TTLL7: variants seen among roughly 807,000 people sequenced by gnomAD.
TTLL7 encodes the protein tubulin polyglutamylase TTLL7.
Under a neutral mutation model 120.2 loss-of-function variants are expected in TTLL7, and 53 were observed. The ratio of observed to expected loss-of-function variants is 0.44; its 90% CI spans 0.35 to 0.55. The LOEUF is 0.55. Ranked by LOEUF, TTLL7 falls within the 20% of genes least tolerant of loss-of-function variation. The pLI is 0.00. For missense variants in TTLL7, 803 were observed against 1,054.7 expected (o/e 0.76, Z 3.31); for synonymous variants, 353 against 351.7 (o/e 1.00, Z -0.04).
chr1:83,899,485 T>G (rs1017222443), intron 18 of TTLL7, among the ~76,000 whole-genome samples: 1 of 151,984 alleles, frequency 6.6e-6, no homozygotes, highest in African/African-American at 2.4e-5. Flanking sequence ...CTTGCTGTAG[T>G]TAAGACCAGC....
intron 1 of TTLL7, among the ~76,000 whole-genome samples, chr1:83,994,004 A>G (rs936027807): frequency 1.1e-4 from 17 of 152,222 alleles, no homozygotes; most frequent in African/African-American, 3.9e-4. Flanking sequence ...ATAATGCCTG[A>G]GAGAAATGGA....
chr1:83,978,049 A>G (rs1342603906), intron 1 of TTLL7, among the ~76,000 whole-genome samples: 5 of 152,106 alleles, frequency 3.3e-5, no homozygotes, highest in Admixed American at 6.6e-5. Flanking sequence ...TTAATTTTCA[A>G]TTTTTGTAGG....
intron 6 of TTLL7, chr1:83,945,927 T>C (rs1426078401): frequency 6.6e-6 from 1 of 152,110 alleles, no homozygotes; most frequent in Non-Finnish European, 1.5e-5. Flanking sequence ...CAAACCACAT[T>C]TGCAAATAAT....
At chr1:83,901,075 T>C (rs1656680225) in intron 18 of TTLL7, among the ~76,000 whole-genome samples, 1 of 152,006 alleles carries the variant, frequency 6.6e-6, no homozygotes, top group Non-Finnish European at 1.5e-5. Context: ...TTGATTGATT[T>C]GCAGAAGGTA....
At position 83,921,338 on chromosome 1, in the gene TTLL7, A is replaced by G. The variant is rs775570406; in HGVS notation, c.1199T>C (p.Leu400Pro). The change falls in exon 11 of 21, where the codon CTC becomes CCC. Residue 400 changes from leucine to proline, a missense_variant. By Grantham distance (98) the Leu-to-Pro change is moderately conservative. Around this residue, in one of 3 missense-constraint regions of TTLL7, gnomAD observed 324 missense variants for 507.7 expected, o/e 0.64. Coordinates refer to ENST00000260505, the MANE Select transcript of TTLL7 (RefSeq NM_024686.6). ...CCTTTTAATTGAATTTTGACCATAG[A>G]GCCTCCTTTGAGCCTCAGCTTTTTG... ...AKQKAEAQRR[L>P]YGQNSIKRLL... 2 of 1,612,470 alleles carry G rather than the reference A, an allele frequency of 1.2e-6. No individual in the cohort carries two copies. The highest frequency in any genetic ancestry group is 1.7e-6 in the Non-Finnish European group (2 of 1,179,782).
At chr1:83,990,732 C>T (rs1440668334) in intron 1 of TTLL7, among the ~76,000 whole-genome samples, 1 of 152,152 alleles carries the variant, frequency 6.6e-6, no homozygotes, top group African/African-American at 2.4e-5. Context: ...ATTGTAACAC[C>T]TGTGCACTGT....
At chr1:83,938,709 G>T (rs1157026416) in intron 7 of TTLL7, among the ~76,000 whole-genome samples, 2 of 152,022 alleles carry the variant, frequency 1.3e-5, no homozygotes, top group Non-Finnish European at 2.9e-5. Context: ...ACTTGAAAAA[G>T]AATCCAAAAT....
intron 18 of TTLL7, among the ~76,000 whole-genome samples, chr1:83,894,254 T>C (rs1428534867): frequency 6.6e-6 from 1 of 152,102 alleles, no homozygotes; most frequent in African/African-American, 2.4e-5. Flanking sequence ...AGATAACCCA[T>C]GTATTAGTCT....
chr1:83,879,956 T>C (rs1654298760), intron 20 of TTLL7: 1 of 151,966 alleles, frequency 6.6e-6, no homozygotes, highest in African/African-American at 2.4e-5. Flanking sequence ...AGCTACAAGA[T>C]CCATCAACAG....
chr1:83,917,837 G>A (rs1453249079), intron 13 of TTLL7, 147 bp from the exon 14 acceptor site: 6 of 608,448 alleles, frequency 9.9e-6, no homozygotes, highest in South Asian at 4.2e-5. Context: ...AATATTAAAG[G>A]GTCACAGCAA....
chr1:83,885,114 AAT>A (rs1332189942), intron 19 of TTLL7: 2 of 285,942 alleles, frequency 7.0e-6, no homozygotes, highest in East Asian at 1.7e-4. Context: ...TTAATTAGGG[AAT>A]ATGTTTATAA....
intron 1 of TTLL7, among the ~76,000 whole-genome samples, chr1:83,969,466 C>T (rs181965556): frequency 7.9e-5 from 12 of 152,030 alleles, no homozygotes; most frequent in Admixed American, 5.2e-4. Context: ...GAATAAATTA[C>T]TCAAGTCAAA....
intron 20 of TTLL7, among the ~76,000 whole-genome samples, chr1:83,874,385 G>A (rs895330379): frequency 6.6e-6 from 1 of 152,004 alleles, no homozygotes; most frequent in South Asian, 2.1e-4. Flanking sequence ...ATGGGCATGG[G>A]TTGTTTCCAT....
chr1:83,993,851 A>G (rs1416578976), intron 1 of TTLL7, among the ~76,000 whole-genome samples: 1 of 152,246 alleles, frequency 6.6e-6, no homozygotes, highest in Non-Finnish European at 1.5e-5. Context: ...CTATGGACAG[A>G]AGTGTGTTAA....
rs775780113 is a variant in TTLL7 at position 83,870,100 on chromosome 1, C to G, written c.2544-18G>C. The G allele has an allele frequency of 1.3e-6, 2 of 1,532,196 alleles. No individual in the cohort carries two copies. The highest frequency in any genetic ancestry group is 4.9e-5 in the Admixed American group (2 of 40,704). 94.9% of individuals were successfully genotyped at this position (1,532,196 alleles called of 1,614,324 possible). Reference sequence around the variant, plus strand: ...GTAAATACCTAAAAATGATGGTTAACAAATTAGATTTTTACAAGCAAATTA... The same window carrying G: ...GTAAATACCTAAAAATGATGGTTAAGAAATTAGATTTTTACAAGCAAATTA... On this transcript the variant is annotated intron_variant, in intron 20 of 20. Transcript: ENST00000260505.
intron 18 of TTLL7, among the ~76,000 whole-genome samples, chr1:83,892,417 C>CATATATACGA (rs1655646204): frequency 4.8e-5 from 3 of 62,662 alleles, no homozygotes; most frequent in African/African-American, 1.3e-4. Context: ...TATATATGAA[C>CATATATACGA]ATATATATGA....
At chr1:83,971,829 A>C (rs1483567142) in intron 1 of TTLL7, among the ~76,000 whole-genome samples, 1 of 152,098 alleles carries the variant, frequency 6.6e-6, no homozygotes, top group Admixed American at 6.6e-5. Context: ...AGCCATCTTA[A>C]TAATAGAATG....
chr1:83,955,100 C>T (rs758711756), intron 1 of TTLL7, among the ~76,000 whole-genome samples: 3 of 152,160 alleles, frequency 2.0e-5, no homozygotes, highest in Non-Finnish European at 4.4e-5. Context: ...TGAGCTTCTA[C>T]CACACTTAAA....
intron 8 of TTLL7, 62 bp from the exon 9 acceptor site, chr1:83,933,828 T>C (rs1456313126): frequency 1.3e-6 from 2 of 1,518,478 alleles, no homozygotes; most frequent in African/African-American, 2.8e-5. Context: ...TGTGCAAATA[T>C]AACCGGGGCC....
Sources: gnomAD v4.1 joint callset for allele counts (sites outside exome capture counted in the v4.1 genomes callset) on GRCh38, gnomAD v4.1.1 for gene constraint, gnomAD v4.1.1 regional missense constraint, MANE v1.5 for transcripts, NCBI Gene and HGNC (gene_info 2026-07-23, HGNC 2026-07-21) for gene names.